The following RBFOX1 variants were observed in gnomAD, a reference collection of about 807,000 sequenced individuals.
RBFOX1 encodes RNA binding protein fox-1 homolog 1.
A neutral mutation model predicts 57.7 loss-of-function variants in RBFOX1; 8 were observed. The observed-to-expected ratio is 0.14, with a 90% CI of 0.08 to 0.25. RBFOX1 has a LOEUF of 0.25. Among genes scored for constraint, RBFOX1 ranks in the 10% least tolerant of loss-of-function variants. The pLI is 1.00. For synonymous variants in RBFOX1, 326 were observed against 222.4 expected, an observed-to-expected ratio of 1.47 and a Z score of -4.15; for missense variants, 611 against 548.5, an observed-to-expected ratio of 1.11 and a Z score of -1.14.
At chr16:5,643,510 C>G (rs570981567) in intron 3 of RBFOX1, among the ~76,000 whole-genome samples, 70 of 152,102 alleles carry the variant, frequency 4.6e-4, no homozygotes, top group Non-Finnish European at 8.7e-4. Flanking sequence ...CTTCACACAC[C>G]CAGCCTAGGA....
intron 3 of RBFOX1, chr16:5,838,026 C>G (rs2056513725): frequency 6.6e-6 from 1 of 152,338 alleles, no homozygotes; most frequent in Non-Finnish European, 1.5e-5. Context: ...TTTAATGTGA[C>G]ATTGCTGCAT....
intron 3 of RBFOX1, among the ~76,000 whole-genome samples, chr16:6,667,989 A>T (rs1257010694): frequency 2.0e-5 from 3 of 152,232 alleles, no homozygotes. Context: ...TCTGTTTCTT[A>T]GATTCCTAGT....
chr16:6,471,980 C>T, intron 2 of RBFOX1, among the ~76,000 whole-genome samples: 1 of 152,288 alleles, frequency 6.6e-6, no homozygotes, highest in Non-Finnish European at 1.5e-5. Context: ...AAACAGACTC[C>T]TGATTTCTCT....
intron 4 of RBFOX1, among the ~76,000 whole-genome samples, chr16:5,896,086 G>A (rs751786762): frequency 7.2e-5 from 11 of 152,112 alleles, no homozygotes; most frequent in Non-Finnish European, 1.0e-4. Context: ...GGGAAGTGCC[G>A]TCAGGAGAAG....
intron 3 of RBFOX1, among the ~76,000 whole-genome samples, chr16:6,999,212 A>ATTTTTTTT (rs1254312494): frequency 5.1e-5 from 6 of 117,694 alleles, no homozygotes; most frequent in Non-Finnish European, 1.1e-4. Context: ...TTTTATTTTT[A>ATTTTTTTT]TTTATTTTTT....
At chr16:6,826,998 C>G (rs2092233506) in intron 3 of RBFOX1, among the ~76,000 whole-genome samples, 1 of 152,062 alleles carries the variant, frequency 6.6e-6, no homozygotes, top group African/African-American at 2.4e-5. Context: ...AATAGATAGG[C>G]CATGCTGTAA....
At chr16:5,550,762 A>G (rs1452072410) in intron 2 of RBFOX1, among the ~76,000 whole-genome samples, 1 of 152,224 alleles carries the variant, frequency 6.6e-6, no homozygotes, top group East Asian at 1.9e-4. Context: ...GGACATGAGA[A>G]TAAACAAGTC....
At chr16:5,427,520 G>C (rs1479584179) in intron 1 of RBFOX1, among the ~76,000 whole-genome samples, 1 of 152,162 alleles carries the variant, frequency 6.6e-6, no homozygotes, top group Non-Finnish European at 1.5e-5. Context: ...AGGAGGTGGA[G>C]GTTGCAGTGA....
At chr16:7,118,632 C>G (rs1174741277) in intron 4 of RBFOX1, among the ~76,000 whole-genome samples, 1 of 152,100 alleles carries the variant, frequency 6.6e-6, no homozygotes, top group African/African-American at 2.4e-5. Flanking sequence ...ATCTTATCAC[C>G]TCTGTCATAT....
intron 4 of RBFOX1, among the ~76,000 whole-genome samples, chr16:7,180,079 G>A (rs1333498081): frequency 6.6e-6 from 1 of 152,062 alleles, no homozygotes; most frequent in Non-Finnish European, 1.5e-5. Flanking sequence ...GCTTTTCTCA[G>A]AGAAAATATT....
At chr16:5,261,647 T>A (rs1408263496) in intron 1 of RBFOX1, among the ~76,000 whole-genome samples, 1 of 151,490 alleles carries the variant, frequency 6.6e-6, no homozygotes, top group Non-Finnish European at 1.5e-5. Flanking sequence ...CCTCCCGGGT[T>A]CATGCCATTC....
chr16:6,708,985 T>C (rs986599717), intron 3 of RBFOX1, among the ~76,000 whole-genome samples: 1 of 152,014 alleles, frequency 6.6e-6, no homozygotes, highest in Non-Finnish European at 1.5e-5. Context: ...CTTTTCTTTT[T>C]TTTTTAATCA....
chr16:6,494,365 C>T (rs186585245), intron 2 of RBFOX1, among the ~76,000 whole-genome samples: 14 of 152,282 alleles, frequency 9.2e-5, no homozygotes, highest in African/African-American at 2.9e-4. Context: ...ACAGCTATCT[C>T]TCGCGACCAC....
intron 3 of RBFOX1, among the ~76,000 whole-genome samples, chr16:5,797,968 A>G (rs2054933793): frequency 6.6e-6 from 1 of 152,218 alleles, no homozygotes; most frequent in Non-Finnish European, 1.5e-5. Flanking sequence ...TGCATCATTT[A>G]TTCTTTCAAA....
At chr16:5,920,894 G>A (rs118019471) in intron 4 of RBFOX1, among the ~76,000 whole-genome samples, 1,264 of 115,348 alleles carry the variant, frequency 0.011, 11 homozygotes, top group Middle Eastern at 0.025. Flanking sequence ...CCTGCCCAAT[G>A]GAGTTGTCTA....
At chr16:6,662,710 C>T (rs779098426) in intron 3 of RBFOX1, among the ~76,000 whole-genome samples, 9 of 152,056 alleles carry the variant, frequency 5.9e-5, no homozygotes, top group East Asian at 3.9e-4. Flanking sequence ...ACCTTTTTGA[C>T]CAAGAGACCC....
intron 3 of RBFOX1, among the ~76,000 whole-genome samples, chr16:5,799,476 A>G (rs2054989117): frequency 6.6e-6 from 1 of 152,258 alleles, no homozygotes; most frequent in Non-Finnish European, 1.5e-5. Context: ...TTTCAACTAT[A>G]TAATGATATG....
chr16:7,538,564 G>A (rs778093657), intron 5 of RBFOX1, among the ~76,000 whole-genome samples: 2 of 152,110 alleles, frequency 1.3e-5, no homozygotes, highest in Admixed American at 1.3e-4. Context: ...TGGTTTCTTC[G>A]TTTAGAATGT....
chr16:5,635,014 C>T (rs1459308481), intron 3 of RBFOX1, among the ~76,000 whole-genome samples: 1 of 152,112 alleles, frequency 6.6e-6, no homozygotes, highest in East Asian at 1.9e-4. Flanking sequence ...GTCATGTGAT[C>T]AGGGTCAGGC....
Sources: gnomAD v4.1 joint callset for allele counts (sites outside exome capture counted in the v4.1 genomes callset) on GRCh38, gnomAD v4.1.1 for gene constraint, MANE v1.5 for transcripts, NCBI Gene and HGNC (gene_info 2026-07-23, HGNC 2026-07-21) for gene names.